SPATA31H1: variants seen among roughly 807,000 people sequenced by gnomAD.
SPATA31H1 encodes SPATA31 subfamily H member 1, also known as spermatogenesis-associated protein 31H1.
chr2:27,577,181 A>G, the SPATA31H1 span: 1 of 1,613,890 alleles, frequency 6.2e-7, no homozygotes, highest in East Asian at 2.2e-5. This position sits in a 1 kb window ranked among gnomAD's most constrained non-coding sequence, Gnocchi z 4.5. Flanking sequence ...ATCTTCAGGT[A>G]CCAAAATTTG....
the SPATA31H1 span, among the ~76,000 whole-genome samples, chr2:27,543,869 G>C: frequency 6.6e-6 from 1 of 151,990 alleles, no homozygotes; most frequent in Non-Finnish European, 1.5e-5. Flanking sequence ...CAAGGAGCCA[G>C]CTTCCCTCCT....
chr2:27,552,143 C>A, the SPATA31H1 span, among the ~76,000 whole-genome samples: 1 of 151,980 alleles, frequency 6.6e-6, no homozygotes, highest in Non-Finnish European at 1.5e-5. Flanking sequence ...AACAGCTGGG[C>A]ACATAGCTTA....
the SPATA31H1 span, chr2:27,577,142 G>A: frequency 4.3e-6 from 7 of 1,614,050 alleles, no homozygotes; most frequent in South Asian, 6.6e-5. The surrounding 1 kb of genome is among the most constrained non-coding windows in gnomAD (Gnocchi z 4.5). Flanking sequence ...GTAGAGCTAA[G>A]GAATCCTTAG....
chr2:27,573,201 T>C, the SPATA31H1 span: 2 of 398,274 alleles, frequency 5.0e-6, no homozygotes, highest in Non-Finnish European at 8.9e-6. Flanking sequence ...TGGGCCACAG[T>C]TGCAATGTGT....
chr2:27,582,700 A>C, the SPATA31H1 span: 1 of 650,758 alleles, frequency 1.5e-6, no homozygotes, highest in Middle Eastern at 4.2e-4. Context: ...TTTCTCTAAG[A>C]TGAATAAAGG....
the SPATA31H1 span, chr2:27,571,299 T>C: frequency 1.7e-4 from 66 of 398,228 alleles, no homozygotes; most frequent in African/African-American, 1.3e-3. Flanking sequence ...AGATATGAAA[T>C]CTGTGACCTT....
chr2:27,573,603 A>G, the SPATA31H1 span: 1 of 398,402 alleles, frequency 2.5e-6, no homozygotes, highest in African/African-American at 2.1e-5. Context: ...ATGTGGCCCA[A>G]TTTCAACATC....
the SPATA31H1 span, among the ~76,000 whole-genome samples, chr2:27,562,510 C>CAA: frequency 8.2e-5 from 8 of 97,620 alleles, no homozygotes; most frequent in South Asian, 3.1e-4. Flanking sequence ...GACCTTGTCT[C>CAA]AAAAAAAAAA....
chr2:27,568,922 G>C, the SPATA31H1 span: 2 of 398,818 alleles, frequency 5.0e-6, no homozygotes, highest in Non-Finnish European at 8.8e-6. Context: ...TGACCCCATG[G>C]CATCAAGCCT....
At chr2:27,555,944 C>T in the SPATA31H1 span, among the ~76,000 whole-genome samples, 1 of 151,562 alleles carries the variant, frequency 6.6e-6, no homozygotes, top group African/African-American at 2.4e-5. Flanking sequence ...CCATCCTGGC[C>T]AACATGGTGA....
chr2:27,582,140 C>T, the SPATA31H1 span: 1 of 1,613,906 alleles, frequency 6.2e-7, no homozygotes, highest in African/African-American at 1.3e-5. Flanking sequence ...ACCTCAGTCC[C>T]TTGGAAAGAA....
At chr2:27,571,477 C>T in the SPATA31H1 span, 1 of 398,466 alleles carries the variant, frequency 2.5e-6, no homozygotes, top group Non-Finnish European at 4.4e-6. Flanking sequence ...GTGGAGTTGA[C>T]TCCATGTTCA....
At chr2:27,543,916 C>T in the SPATA31H1 span, among the ~76,000 whole-genome samples, 3 of 151,924 alleles carry the variant, frequency 2.0e-5, no homozygotes, top group Admixed American at 6.6e-5. Context: ...TTAAAATTTT[C>T]GCAGATCTAG....
chr2:27,537,554 C>G, the SPATA31H1 span: 2 of 717,198 alleles, frequency 2.8e-6, no homozygotes, highest in Non-Finnish European at 5.2e-6. Context: ...CAGGTGGCAG[C>G]CAAGATAAAC....
the SPATA31H1 span, among the ~76,000 whole-genome samples, chr2:27,563,040 G>A: frequency 6.6e-6 from 1 of 151,694 alleles, no homozygotes; most frequent in Admixed American, 6.6e-5. Flanking sequence ...TGTATTCTTG[G>A]TTTACTTAAT....
the SPATA31H1 span, chr2:27,579,337 G>C: frequency 6.2e-7 from 1 of 1,614,212 alleles, no homozygotes; most frequent in Non-Finnish European, 8.5e-7. Context: ...GCAGATACCT[G>C]TCAATCTATT....
chr2:27,562,498 G>A, the SPATA31H1 span, among the ~76,000 whole-genome samples: 1 of 145,338 alleles, frequency 6.9e-6, no homozygotes, highest in Admixed American at 6.9e-5. Context: ...GCAACAGAAC[G>A]AGACCTTGTC....
chr2:27,537,947 G>T, the SPATA31H1 span, among the ~76,000 whole-genome samples: 1 of 152,182 alleles, frequency 6.6e-6, no homozygotes, highest in Non-Finnish European at 1.5e-5. Context: ...TTCAGAGGAA[G>T]AGTGGGATTT....
chr2:27,568,634 T>C, the SPATA31H1 span: 1 of 398,972 alleles, frequency 2.5e-6, no homozygotes, highest in Non-Finnish European at 4.4e-6. Flanking sequence ...ATATAAACAC[T>C]GTGGAGCTGA....
Sources: gnomAD v4.1 joint callset for allele counts (sites outside exome capture counted in the v4.1 genomes callset) on GRCh38, gnomAD v4.1.1 for gene constraint, Gnocchi (gnomAD v3.1) non-coding constraint, MANE v1.5 for transcripts, NCBI Gene and HGNC (gene_info 2026-07-23, HGNC 2026-07-21) for gene names.